The following CNTN6 variants were observed in gnomAD, a reference collection of about 807,000 sequenced individuals.
The protein encoded by CNTN6 is contactin-6.
In CNTN6, 137 loss-of-function variants were observed where a neutral mutation model predicts 122.8. The ratio of observed to expected loss-of-function variants is 1.12; its 90% CI spans 0.97 to 1.29. The LOEUF (loss-of-function observed/expected upper bound fraction) is 1.29. Ranked by LOEUF, CNTN6 falls within the 50% of genes most tolerant of loss-of-function variation. CNTN6 has a pLI of 0.00. For synonymous variants in CNTN6, 570 were observed against 426.0 expected, an observed-to-expected ratio of 1.34 and a Z score of -4.16; for missense variants, 1,634 against 1,223.4, an observed-to-expected ratio of 1.34 and a Z score of -5.01.
At chr3:1,341,853 G>A (rs569537728) in intron 11 of CNTN6, among the ~76,000 whole-genome samples, 1 of 152,188 alleles carries the variant, frequency 6.6e-6, no homozygotes, top group East Asian at 1.9e-4. Flanking sequence ...CAGACACTAA[G>A]AATTCTGAAA....
chr3:1,138,318 G>A (rs28480455), intron 1 of CNTN6, among the ~76,000 whole-genome samples: 9,681 of 151,504 alleles, frequency 0.064, 1,024 homozygotes, highest in African/African-American at 0.22. Flanking sequence ...ATTGAATATT[G>A]GTCCAACTTC....
In CNTN6 at chr3:1,289,602, C is replaced by A. The variant is rs572704828; in HGVS notation, c.455-5999C>A. Among the ~76,000 whole-genome samples the A allele has an allele frequency of 2.8e-4, 43 of 152,242 alleles. 1 individual carries two copies. Among genetic ancestry groups the A allele is most frequent in the Admixed American group, 8.5e-4 (13 of 15,298 alleles). ...ACAAGGTGGTCCACCATTCAAAATC[C>A]AGGCGTTTCCCTTCCCAGTGTGATG... On this transcript the variant is annotated intron_variant, in intron 5 of 22. Coordinates refer to ENST00000446702, the MANE Select transcript of CNTN6 (RefSeq NM_001289080.2).
chr3:1,387,720 C>T (rs369370958), intron 20 of CNTN6, among the ~76,000 whole-genome samples: 6 of 152,138 alleles, frequency 3.9e-5, no homozygotes, highest in South Asian at 2.1e-4. Context: ...GTGCGCAAGC[C>T]GAAGCAGGGC....
chr3:1,323,005 A>G (rs953156006), intron 8 of CNTN6, among the ~76,000 whole-genome samples: 3 of 151,732 alleles, frequency 2.0e-5, no homozygotes, highest in Admixed American at 1.3e-4. Flanking sequence ...GGCTAGTTTT[A>G]AAGAAATATT....
intron 11 of CNTN6, among the ~76,000 whole-genome samples, chr3:1,334,671 A>C (rs915580999): frequency 7.9e-5 from 12 of 152,122 alleles, no homozygotes; most frequent in Non-Finnish European, 1.3e-4. Flanking sequence ...GGATGGATTC[A>C]GAGTTTACAG....
chr3:1,377,045 A>C lies in CNTN6; in HGVS notation c.2136A>C (p.Gly712=), dbSNP rs1229103195. Reference sequence around the variant, plus strand: ...CAGTAAACATCCATGGAGGTGGAGGAAGTCGGTCTGAACTCGTCATTACGT... The same window carrying C: ...CAGTAAACATCCATGGAGGTGGAGGCAGTCGGTCTGAACTCGTCATTACGT... ...VAPVNIHGGG[G]SRSELVITWE... The change falls in exon 17 of 23, where the codon GGA becomes GGC. Residue 712 remains glycine, a synonymous_variant. Coordinates refer to ENST00000446702, the MANE Select transcript of CNTN6 (RefSeq NM_001289080.2). 1 of 1,604,164 alleles carries C rather than the reference A, an allele frequency of 6.2e-7. No individual in the cohort carries two copies. Among genetic ancestry groups the C allele is most frequent in the Non-Finnish European group, 8.5e-7 (1 of 1,174,868 alleles).
intron 4 of CNTN6, among the ~76,000 whole-genome samples, chr3:1,261,925 T>C (rs2094852666): frequency 6.6e-6 from 1 of 152,186 alleles, no homozygotes; most frequent in Admixed American, 6.5e-5. Flanking sequence ...TTGGCCCTAG[T>C]ATTTCTATGA....
In CNTN6 at chr3:1,123,908, T is replaced by G. The variant is rs945039276; in HGVS notation, c.-82-24019T>G. 3.3e-5 allele frequency among the ~76,000 whole-genome samples: 5 copies of G among 151,988 alleles called. No individual in the cohort carries two copies. The South Asian group carries it at 6.2e-4, about 19-fold the overall frequency. On this transcript the variant is annotated intron_variant, in intron 1 of 22. Transcript: ENST00000446702. Reference sequence around the variant, plus strand: ...TATCATGAAAGTGTTTTGGACTGTGTTAAATGATTTTCTGTGCATTAATTG... The same window carrying G: ...TATCATGAAAGTGTTTTGGACTGTGGTAAATGATTTTCTGTGCATTAATTG...
At position 1,383,151 on chromosome 3, in the gene CNTN6, G is replaced by A; in HGVS notation, c.2376G>A (p.Val792=). 6.2e-7 allele frequency: 1 copy of A among 1,613,744 alleles called. No homozygotes were observed. The highest frequency in any genetic ancestry group is 1.6e-4 in the Middle Eastern group (1 of 6,062). Residue 792 remains valine, a synonymous_variant, in exon 18 of 23, where the codon GTG becomes GTA. Transcript: ENST00000446702. Reference sequence around the variant, plus strand: ...AAGGAGAAGGATCCCTGAGTACTGTGACCATTGTCTACTCTGGGGAAGATG... The same window carrying A: ...AAGGAGAAGGATCCCTGAGTACTGTAACCATTGTCTACTCTGGGGAAGATG... ...NNEGEGSLST[V]TIVYSGEDEP... is the part of the protein sequence containing the mutation.
chr3:1,238,106 G>A (rs2094443067), intron 4 of CNTN6, among the ~76,000 whole-genome samples: 1 of 151,852 alleles, frequency 6.6e-6, no homozygotes, highest in South Asian at 2.1e-4. Context: ...AACATAGAAA[G>A]TGAATGGCCT....
chr3:1,370,880 C>T (rs538473588), intron 12 of CNTN6, among the ~76,000 whole-genome samples: 1 of 151,882 alleles, frequency 6.6e-6, no homozygotes, highest in African/African-American at 2.4e-5. Flanking sequence ...AAAAAAAGTA[C>T]ATGCATCTAA....
chr3:1,154,445 TTTC>T (rs1381335556), intron 2 of CNTN6, among the ~76,000 whole-genome samples: 1 of 107,718 alleles, frequency 9.3e-6, no homozygotes, highest in East Asian at 4.1e-4. Flanking sequence ...TTTTCTTTTC[TTTC>T]TTTTTTTTTT....
chr3:1,123,516 T>A (rs1321113189), intron 1 of CNTN6, among the ~76,000 whole-genome samples: 2 of 150,092 alleles, frequency 1.3e-5, no homozygotes, highest in Non-Finnish European at 3.0e-5. Flanking sequence ...ATTTAGTTTA[T>A]AAAACTAATT....
intron 20 of CNTN6, among the ~76,000 whole-genome samples, chr3:1,389,227 C>T (rs1320034198): frequency 6.6e-6 from 1 of 151,932 alleles, no homozygotes; most frequent in Non-Finnish European, 1.5e-5. Context: ...GGCAGAATCT[C>T]TACAAGCCAG....
chr3:1,326,870 G>A lies in CNTN6; in HGVS notation c.1084-587G>A, dbSNP rs757307178. On this transcript the variant is annotated intron_variant, in intron 9 of 22. Coordinates refer to ENST00000446702, the MANE Select transcript of CNTN6 (RefSeq NM_001289080.2). The stretch of plus-strand genomic sequence containing the variant: ...CATGCCTTGAAATATTTAGTCTTAA[G>A]TTATATTTGTACTATTAATTATGTC... Among the ~76,000 whole-genome samples the A allele has an allele frequency of 5.3e-4, 80 of 151,818 alleles. 2 individuals are homozygous for A. Among genetic ancestry groups the A allele is most frequent in the Non-Finnish European group, 1.6e-4 (11 of 67,886 alleles).
intron 11 of CNTN6, among the ~76,000 whole-genome samples, chr3:1,347,948 G>A (rs1184164880): frequency 6.6e-6 from 1 of 151,710 alleles, no homozygotes; most frequent in Non-Finnish European, 1.5e-5. Flanking sequence ...AATGCAGTGT[G>A]ATAAAACAAT....
chr3:1,383,224 T>G, intron 18 of CNTN6, 48 bp downstream of exon 18: 3 of 1,591,750 alleles, frequency 1.9e-6, no homozygotes, highest in Non-Finnish European at 2.6e-6. Context: ...ATGCATAGTT[T>G]GTGTTCCCTT....
intron 16 of CNTN6, among the ~76,000 whole-genome samples, chr3:1,376,365 C>G (rs1335592590): frequency 1.3e-5 from 2 of 152,026 alleles, no homozygotes; most frequent in South Asian, 2.1e-4. Flanking sequence ...TCTGAATCCT[C>G]TACCACAGAG....
At chr3:1,367,886 C>T (rs1237622174) in intron 12 of CNTN6, among the ~76,000 whole-genome samples, 1 of 152,102 alleles carries the variant, frequency 6.6e-6, no homozygotes, top group Non-Finnish European at 1.5e-5. Context: ...CAGGAGGATC[C>T]AAGGTGGGAG....
Sources: allele counts gnomAD v4.1 joint callset (sites outside exome capture counted in the v4.1 genomes callset), GRCh38; gene constraint gnomAD v4.1.1; transcripts MANE v1.5; gene names NCBI Gene and HGNC (gene_info 2026-07-23, HGNC 2026-07-21).